Variants in SRP54 observed in about 807,000 individuals in gnomAD.
SRP54 encodes signal recognition particle 54.
SRP54 carries 10 observed loss-of-function variants against 64.8 expected under a neutral mutation model. The observed-to-expected ratio is 0.15, with a 90% CI of 0.10 to 0.26. The LOEUF is 0.26. Ranked by LOEUF, SRP54 falls within the 10% of genes least tolerant of loss-of-function variation. The pLI is 1.00. For missense variants in SRP54, 325 were observed against 613.7 expected, an observed-to-expected ratio of 0.53 and a Z score of 4.97; for synonymous variants, 193 against 185.6, an observed-to-expected ratio of 1.04 and a Z score of -0.32.
At chr14:35,024,416 A>T (rs1218698088) in intron 14 of SRP54, among the ~76,000 whole-genome samples, 1 of 152,026 alleles carries the variant, frequency 6.6e-6, no homozygotes, top group Non-Finnish European at 1.5e-5. Context: ...TACTGGTTTG[A>T]ATTTACTTTG....
Position 34,983,005 on chromosome 14 carries a change from T to G in SRP54, c.-244T>G, listed in dbSNP as rs1054175140. 2 of 152,308 alleles carry G rather than the reference T, an allele frequency of 1.3e-5. No individual in the cohort carries two copies. The highest frequency in any genetic ancestry group is 2.9e-5 in the Non-Finnish European group (2 of 68,116). The allele number at this position is 152,308 out of a possible 1,614,324, so 9.4% of individuals were successfully genotyped here. ...TGACGTTTCCTCATTGGGCGGAAGG[T>G]TCGCTGGCACTCCGTTGGTCTTCCA... On this transcript the variant is annotated 5_prime_UTR_variant, in exon 1 of 16. Transcript: ENST00000216774.
intron 1 of SRP54, among the ~76,000 whole-genome samples, chr14:34,984,924 T>C (rs1044541477): frequency 1.5e-4 from 21 of 143,538 alleles, no homozygotes; most frequent in South Asian, 1.3e-3. Flanking sequence ...TTTTTTTTTT[T>C]CACTATGACA....
intron 11 of SRP54, among the ~76,000 whole-genome samples, chr14:35,016,189 C>A (rs2044436056): frequency 6.6e-6 from 1 of 152,152 alleles, no homozygotes; most frequent in Non-Finnish European, 1.5e-5. Flanking sequence ...TTCAACAGAT[C>A]TTCCATCTTC....
chr14:34,991,424 C>T (rs2138965120), intron 1 of SRP54, among the ~76,000 whole-genome samples: 1 of 151,992 alleles, frequency 6.6e-6, no homozygotes, highest in East Asian at 1.9e-4. Flanking sequence ...GCCACCACAC[C>T]TGGCCACAGC....
intron 2 of SRP54, among the ~76,000 whole-genome samples, chr14:34,997,571 G>C (rs1348037002): frequency 1.3e-5 from 2 of 152,128 alleles, no homozygotes; most frequent in East Asian, 3.8e-4. Context: ...ATTTACCATA[G>C]AAAATGGTTT....
At chr14:35,024,948 CT>C (rs1166119268) in intron 14 of SRP54, among the ~76,000 whole-genome samples, 2 of 152,104 alleles carry the variant, frequency 1.3e-5, no homozygotes, top group African/African-American at 4.8e-5. Flanking sequence ...CCAGGCTGGT[CT>C]CAAACTCCCA....
chr14:35,005,375 G>GT (rs140818592), intron 4 of SRP54, among the ~76,000 whole-genome samples: 12,416 of 152,094 alleles, frequency 0.082, 770 homozygotes, highest in African/African-American at 0.17. Flanking sequence ...GGGCATGACT[G>GT]TATTAGATTG....
intron 5 of SRP54, among the ~76,000 whole-genome samples, chr14:35,007,673 A>ATTAAAATATATTTACATAAAATAGATT (rs2044284648): frequency 1.2e-5 from 1 of 86,056 alleles, no homozygotes; most frequent in Non-Finnish European, 2.6e-5. Context: ...AATAGATTTT[A>ATTAAAATATATTTACATAAAATAGATT]TTAAAATATA....
At chr14:34,995,540 G>A (rs1349874571) in intron 1 of SRP54, among the ~76,000 whole-genome samples, 1 of 152,112 alleles carries the variant, frequency 6.6e-6, no homozygotes, top group East Asian at 1.9e-4. Context: ...AGCATCTTGA[G>A]GGCAGGGACT....
chr14:34,995,091 CT>C (rs757548793), intron 1 of SRP54, among the ~76,000 whole-genome samples: 1,052 of 102,614 alleles, frequency 0.01, 19 homozygotes, highest in African/African-American at 0.035. Context: ...CTTTTTTTTC[CT>C]TTTTTTTTTT....
At chr14:35,023,338 A>G (rs1288803146) in intron 14 of SRP54, among the ~76,000 whole-genome samples, 1 of 151,988 alleles carries the variant, frequency 6.6e-6, no homozygotes, top group African/African-American at 2.4e-5. Flanking sequence ...TGAACACATT[A>G]TATTAAATTT....
intron 1 of SRP54, among the ~76,000 whole-genome samples, chr14:34,988,578 A>AAAAAAAAAATATAT (rs1384552218): frequency 6.4e-5 from 3 of 47,100 alleles, no homozygotes; most frequent in Non-Finnish European, 1.4e-4. Context: ...AAAAAAAAAA[A>AAAAAAAAAATATAT]ATATATATAT....
chr14:34,985,251 G>A (rs1183252295), intron 1 of SRP54, among the ~76,000 whole-genome samples: 1 of 152,118 alleles, frequency 6.6e-6, no homozygotes, highest in Non-Finnish European at 1.5e-5. Flanking sequence ...GAACATCTAT[G>A]TACACATCCT....
intron 4 of SRP54, among the ~76,000 whole-genome samples, chr14:35,001,356 G>A (rs931410669): frequency 6.6e-6 from 1 of 151,948 alleles, no homozygotes; most frequent in African/African-American, 2.4e-5. Flanking sequence ...TCTCTATGTG[G>A]GTCAGGCTGG....
chr14:35,029,234 G>C lies in SRP54; in HGVS notation c.*82G>C, dbSNP rs999197272. On this transcript the variant is annotated 3_prime_UTR_variant, in exon 16 of 16. Coordinates refer to ENST00000216774, the MANE Select transcript of SRP54 (RefSeq NM_003136.4). Reference sequence around the variant, plus strand: ...GCGTTTCCCTTCTTTTTGCGAATTGGGGGGAAAGTGTATTTTTCTTGCTTA... The same window carrying C: ...GCGTTTCCCTTCTTTTTGCGAATTGCGGGGAAAGTGTATTTTTCTTGCTTA... 9.6e-7 allele frequency: 1 copy of C among 1,038,436 alleles called. No homozygotes were observed. The highest frequency in any genetic ancestry group is 1.6e-5 in the African/African-American group (1 of 60,726). 64.3% of individuals were successfully genotyped at this position (1,038,436 alleles called of 1,614,324 possible).
chr14:34,998,995 G>C (rs1398192646), intron 2 of SRP54, among the ~76,000 whole-genome samples: 1 of 93,556 alleles, frequency 1.1e-5, no homozygotes, highest in South Asian at 4.1e-4. Flanking sequence ...GTGTGTGTGT[G>C]TGTGTGTGTG....
chr14:34,983,364 C>G (rs2043838091), intron 1 of SRP54, 149 bp downstream of exon 1: 1 of 111,044 alleles, frequency 9.0e-6, no homozygotes, highest in Non-Finnish European at 2.2e-5. Context: ...GGCTCTTTAT[C>G]TCGTCTTCCA....
intron 13 of SRP54, among the ~76,000 whole-genome samples, chr14:35,020,232 A>G (rs2044506024): frequency 6.6e-6 from 1 of 152,152 alleles, no homozygotes; most frequent in South Asian, 2.1e-4. Flanking sequence ...AATGCTAATG[A>G]TCATCTAAGC....
chr14:34,997,037 A>G, intron 2 of SRP54: 3 of 379,904 alleles, frequency 7.9e-6, no homozygotes, highest in Non-Finnish European at 1.4e-5. Context: ...ACTTACATGT[A>G]AAAATAACAT....
Sources: gnomAD v4.1 joint callset for allele counts (sites outside exome capture counted in the v4.1 genomes callset) on GRCh38, gnomAD v4.1.1 for gene constraint, MANE v1.5 for transcripts, NCBI Gene and HGNC (gene_info 2026-07-23, HGNC 2026-07-21) for gene names.